Variants in HVCN1 observed in about 807,000 individuals in gnomAD.
HVCN1 encodes the protein hydrogen voltage gated channel 1.
Under a neutral mutation model 29.2 loss-of-function variants are expected in HVCN1, and 14 were observed. That is an observed-to-expected ratio of 0.48 (90% CI 0.32 to 0.75). The LOEUF (loss-of-function observed/expected upper bound fraction) is 0.75, where lower values mean the gene tolerates loss of function less well. Ranked by LOEUF, HVCN1 falls within the 30% of genes least tolerant of loss-of-function variation. HVCN1 has a pLI of 0.04. For synonymous variants in HVCN1, 131 were observed against 133.2 expected, an observed-to-expected ratio of 0.98 and a Z score of 0.11; for missense variants, 263 against 341.8, an observed-to-expected ratio of 0.77 and a Z score of 1.82.
At chr12:110,686,176 T>C (rs2069175272) in intron 2 of HVCN1, among the ~76,000 whole-genome samples, 1 of 151,912 alleles carries the variant, frequency 6.6e-6, no homozygotes, top group African/African-American at 2.4e-5. Context: ...AATTTTTTTT[T>C]GTATTTTTAG....
intron 2 of HVCN1, among the ~76,000 whole-genome samples, chr12:110,683,805 G>A (rs747731195): frequency 1.3e-5 from 2 of 151,608 alleles, no homozygotes; most frequent in Non-Finnish European, 2.9e-5. Flanking sequence ...CAGCTACTTC[G>A]GAGGCTGAGG....
chr12:110,681,301 TTC>T (rs995697630), intron 3 of HVCN1, among the ~76,000 whole-genome samples: 1 of 152,212 alleles, frequency 6.6e-6, no homozygotes, highest in African/African-American at 2.4e-5. Context: ...ATTGTACTTT[TTC>T]TTTTTTATGG....
intron 3 of HVCN1, among the ~76,000 whole-genome samples, chr12:110,665,475 G>A (rs930841298): frequency 1.3e-5 from 2 of 151,126 alleles, no homozygotes; most frequent in East Asian, 1.9e-4. Flanking sequence ...AGAATTGCTC[G>A]AACCTGGGAA....
At chr12:110,695,136 C>T (rs1244855214) in intron 2 of HVCN1, among the ~76,000 whole-genome samples, 1 of 152,012 alleles carries the variant, frequency 6.6e-6, no homozygotes, top group Non-Finnish European at 1.5e-5. Context: ...GGGCTGGGTG[C>T]GGGGGCTCAC....
intron 4 of HVCN1, among the ~76,000 whole-genome samples, chr12:110,659,058 T>A (rs1349661758): frequency 6.6e-6 from 1 of 152,228 alleles, no homozygotes; most frequent in East Asian, 1.9e-4. Flanking sequence ...ACCCAACAAC[T>A]TAATAGCATG....
chr12:110,671,486 T>G (rs972373964), intron 3 of HVCN1, among the ~76,000 whole-genome samples: 2 of 152,142 alleles, frequency 1.3e-5, no homozygotes, highest in Admixed American at 6.6e-5. Flanking sequence ...GAGCCAGTCC[T>G]GCCAACACCT....
chr12:110,677,376 C>T (rs970924536), intron 3 of HVCN1, among the ~76,000 whole-genome samples: 11 of 152,160 alleles, frequency 7.2e-5, no homozygotes, highest in Non-Finnish European at 1.5e-4. Context: ...CCTTTGCACA[C>T]GTGACTTCTT....
At chr12:110,652,807 C>T (rs1336550637) in intron 5 of HVCN1, among the ~76,000 whole-genome samples, 2 of 152,168 alleles carry the variant, frequency 1.3e-5, no homozygotes, top group African/African-American at 4.8e-5. Flanking sequence ...CCAACAGATG[C>T]CAACTGGGGA....
chr12:110,651,419 C>A lies in HVCN1; in HGVS notation c.441G>T (p.Leu147Phe). The A allele has an allele frequency of 6.2e-7, 1 of 1,613,276 alleles. No homozygotes were observed. The highest frequency in any genetic ancestry group is 8.5e-7 in the Non-Finnish European group (1 of 1,179,362). The change falls in exon 6 of 8, where the codon TTG becomes TTT. Residue 147 changes from leucine (L) to phenylalanine (F), a missense_variant. Physicochemically the swap from Leu to Phe is conservative, Grantham distance 22. Transcript: ENST00000242607. ...MVFHYMSITILVFFMMEIIFK... is the reference protein window; with the variant it reads ...MVFHYMSITIFVFFMMEIIFK... ...AGATGATCTCCATCATAAAAAAGACCAAGATGGTGATGCTCATGTAGTGGA... is the reference window on the plus strand; with the variant it reads ...AGATGATCTCCATCATAAAAAAGACAAAGATGGTGATGCTCATGTAGTGGA...
rs535424834 is a variant in HVCN1 at position 110,695,256 on chromosome 12, GTATATACACACACACACATA to G, written c.-103-6568_-103-6549del. 2.7e-3 allele frequency among the ~76,000 whole-genome samples: 407 copies of G among 149,444 alleles called. 3 individuals are homozygous for G. Among genetic ancestry groups the G allele is most frequent in the African/African-American group, 9.2e-3 (370 of 40,110 alleles). On this transcript the variant is annotated intron_variant, in intron 2 of 4. Transcript: ENST00000546713. ...AGACTCTGTCTCTACATACATATAT[GTATATACACACACACACATA>G]TATATACACACACACACACTTATAT...
chr12:110,692,867 C>G (rs2069432890), upstream of HVCN1, among the ~76,000 whole-genome samples: 1 of 152,018 alleles, frequency 6.6e-6, no homozygotes, highest in African/African-American at 2.4e-5. Context: ...CGTATTATTA[C>G]TTTGTTTGTT....
At chr12:110,698,997 G>T (rs1418325358) in intron 2 of HVCN1, among the ~76,000 whole-genome samples, 2 of 152,324 alleles carry the variant, frequency 1.3e-5, no homozygotes, top group South Asian at 2.1e-4. Flanking sequence ...GCATGGTGGT[G>T]TGCATCTGTA....
chr12:110,664,510 C>T (rs535045948), intron 3 of HVCN1, among the ~76,000 whole-genome samples: 64 of 152,308 alleles, frequency 4.2e-4, no homozygotes, highest in Non-Finnish European at 6.5e-4. Context: ...GGCCTTATTA[C>T]ACTCTAGAGT....
rs774514420 is a variant in HVCN1, at chr12:110,649,344, T to C, written c.*66A>G. On this transcript the variant is annotated 3_prime_UTR_variant, in exon 8 of 8. Transcript: ENST00000242607. ...CACCAAGCGGCCCAGGAGGGGCAGC[T>C]GTTCCTCTCGTGACAGCACAGGCCC... 8.2e-6 allele frequency: 11 copies of C among 1,335,538 alleles called. No individual in the cohort carries two copies. Among genetic ancestry groups the C allele is most frequent in the African/African-American group, 1.4e-5 (1 of 69,032 alleles). The allele number at this position is 1,335,538 out of a possible 1,614,324, so 82.7% of individuals were successfully genotyped here.
chr12:110,697,625 T>C (rs1226368996), intron 2 of HVCN1, among the ~76,000 whole-genome samples: 1 of 151,134 alleles, frequency 6.6e-6, no homozygotes, highest in African/African-American at 2.4e-5. Flanking sequence ...GTTCTTACTA[T>C]ATGCCACTCA....
chr12:110,672,118 C>T (rs1441125751), intron 3 of HVCN1, among the ~76,000 whole-genome samples: 1 of 152,148 alleles, frequency 6.6e-6, no homozygotes, highest in African/African-American at 2.4e-5. Context: ...TGGCCCTAAA[C>T]CAATTTATAT....
chr12:110,653,507 T>A (rs2067882384), intron 5 of HVCN1, among the ~76,000 whole-genome samples: 2 of 150,328 alleles, frequency 1.3e-5, no homozygotes, highest in South Asian at 4.2e-4. Context: ...CCAAATAGAA[T>A]ATTGGAATTC....
At chr12:110,701,220 T>C (rs1566073782) in intron 2 of HVCN1, among the ~76,000 whole-genome samples, 2 of 152,222 alleles carry the variant, frequency 1.3e-5, no homozygotes, top group Non-Finnish European at 2.9e-5. Flanking sequence ...TGAAGAGCGC[T>C]GACTAATGGA....
At chr12:110,683,740 G>A (rs1298468284) in intron 2 of HVCN1, among the ~76,000 whole-genome samples, 2 of 151,860 alleles carry the variant, frequency 1.3e-5, no homozygotes, top group African/African-American at 2.4e-5. Context: ...GTGAAAACCC[G>A]TCTCTACTAA....
Sources: allele counts gnomAD v4.1 joint callset (sites outside exome capture counted in the v4.1 genomes callset), GRCh38; gene constraint gnomAD v4.1.1; transcripts MANE v1.5; gene names NCBI Gene and HGNC (gene_info 2026-07-23, HGNC 2026-07-21).